Variants in KSR1 observed in about 807,000 individuals in gnomAD.
The protein encoded by KSR1 is kinase suppressor of ras 1.
Under a neutral mutation model 92.9 loss-of-function variants are expected in KSR1, and 35 were observed. The ratio of observed to expected loss-of-function variants is 0.38; its 90% CI spans 0.29 to 0.50. The LOEUF is 0.50. KSR1 is among the 20% of genes least tolerant of loss of function. The probability of loss-of-function intolerance (pLI) is 0.94; values close to 1 mark genes in which losing one functional copy is unlikely to be tolerated. For missense variants in KSR1, 972 were observed against 1,158.5 expected (o/e 0.84, Z 2.34); for synonymous variants, 467 against 472.6 (o/e 0.99, Z 0.15).
At chr17:27,503,045 C>T (rs1231421407) in intron 1 of KSR1, among the ~76,000 whole-genome samples, 4 of 152,196 alleles carry the variant, frequency 2.6e-5, no homozygotes, top group East Asian at 1.9e-4. Flanking sequence ...ATCCTCACAA[C>T]GACCCTTTGA....
chr17:27,468,053 G>A (rs1339781143), intron 1 of KSR1, among the ~76,000 whole-genome samples: 11 of 151,784 alleles, frequency 7.2e-5, no homozygotes, highest in South Asian at 4.2e-4. Context: ...TCCTGACCTC[G>A]TGATCCGCCC....
chr17:27,562,870 A>G (rs139703398), intron 2 of KSR1, among the ~76,000 whole-genome samples: 41 of 152,302 alleles, frequency 2.7e-4, no homozygotes, highest in African/African-American at 9.4e-4. Flanking sequence ...GAGGCAGACA[A>G]AATTTTGACA....
chr17:27,600,631 G>A (rs1027677992), intron 10 of KSR1, among the ~76,000 whole-genome samples: 7 of 152,140 alleles, frequency 4.6e-5, no homozygotes, highest in African/African-American at 1.4e-4. Context: ...CCACAGACAC[G>A]TGAGGAATGC....
At chr17:27,477,495 G>A (rs992507442) in intron 1 of KSR1, among the ~76,000 whole-genome samples, 1 of 152,182 alleles carries the variant, frequency 6.6e-6, no homozygotes, top group Non-Finnish European at 1.5e-5. Flanking sequence ...GATTAGAATT[G>A]TAGTCTGGCT....
rs531390619 is a variant in KSR1, at chr17:27,552,679, A to G, written c.372+1971A>G. ...GACCCAAAGATTTCTTAGATGCAGT[A>G]GCACTCCCCTCTTCCCATGCCAACG... On this transcript the variant is annotated intron_variant, in intron 2 of 20. Transcript: ENST00000644974. 9.2e-5 allele frequency among the ~76,000 whole-genome samples: 14 copies of G among 152,298 alleles called. No individual in the cohort carries two copies. In the East Asian group the frequency reaches 2.3e-3, roughly 25 times the overall value.
chr17:27,616,085 GT>G (rs1236290145), intron 18 of KSR1, among the ~76,000 whole-genome samples: 2 of 152,120 alleles, frequency 1.3e-5, no homozygotes, highest in Non-Finnish European at 2.9e-5. Flanking sequence ...TGAGGGTAGA[GT>G]TTTTTTGTGT....
chr17:27,569,553 A>G (rs555218090), intron 2 of KSR1, among the ~76,000 whole-genome samples: 1 of 152,348 alleles, frequency 6.6e-6, no homozygotes, highest in South Asian at 2.1e-4. Flanking sequence ...GCCCAGCACT[A>G]TTTTTTGTAG....
chr17:27,611,816 A>G (rs2073926018), intron 18 of KSR1, among the ~76,000 whole-genome samples, 187 bp downstream of exon 18: 1 of 152,140 alleles, frequency 6.6e-6, no homozygotes, highest in African/African-American at 2.4e-5. Flanking sequence ...GGAGGCATAA[A>G]TAAGAAAATA....
intron 18 of KSR1, among the ~76,000 whole-genome samples, chr17:27,613,788 G>GT (rs2073985267): frequency 6.6e-6 from 1 of 152,226 alleles, no homozygotes; most frequent in Non-Finnish European, 1.5e-5. Context: ...GGCAGCTGAA[G>GT]TAACCACTGC....
At chr17:27,484,144 C>G (rs968389747) in intron 1 of KSR1, among the ~76,000 whole-genome samples, 2 of 152,156 alleles carry the variant, frequency 1.3e-5, no homozygotes, top group Non-Finnish European at 1.5e-5. Flanking sequence ...CTTGGTCAGT[C>G]CCAGTGTTGG....
chr17:27,504,221 T>A (rs2069294187), intron 1 of KSR1, among the ~76,000 whole-genome samples: 1 of 152,194 alleles, frequency 6.6e-6, no homozygotes. Flanking sequence ...TGAAGGCACC[T>A]GCCGGGATCC....
Position 27,588,554 on chromosome 17 carries a change from G to C in KSR1, c.1046+19G>C. ...CGCACAGGTAGGCACAGCGGGCCTG[G>C]AGGGGGAGCAGGGCACAGCCGGGCT... is the stretch of plus-strand genomic sequence containing the variant. On this transcript the variant is annotated intron_variant, in intron 6 of 20. Transcript: ENST00000644974. 1.9e-6 allele frequency: 3 copies of C among 1,582,568 alleles called. No individual in the cohort carries two copies. The highest frequency in any genetic ancestry group is 1.2e-5 in the South Asian group (1 of 84,978).
rs751066717 is a variant in KSR1, at chr17:27,576,927, G to A, written c.373-565G>A. ...CTTCACCGTATGGCCTAGTGACCTC[G>A]TGCAGGTGACATAATCTCTCTGAGC... On this transcript the variant is annotated intron_variant, in intron 2 of 20. Coordinates refer to ENST00000644974, the MANE Select transcript of KSR1 (RefSeq NM_001394583.1). 4.6e-5 allele frequency among the ~76,000 whole-genome samples: 7 copies of A among 152,166 alleles called. No homozygotes were observed. The South Asian group carries it at 6.2e-4, about 14-fold the overall frequency.
rs115780402 is a variant in KSR1, at chr17:27,570,149, G to A, written c.373-7343G>A. ...CCCACTGCCAGAGCTCACCCTAGCT[G>A]GGCCCAGGGATAGAGCGGTGTGGGG... is the stretch of plus-strand genomic sequence containing the variant. On this transcript the variant is annotated intron_variant, in intron 2 of 20. Coordinates refer to ENST00000644974, the MANE Select transcript of KSR1 (RefSeq NM_001394583.1). Among the ~76,000 whole-genome samples the A allele has an allele frequency of 3.9e-3, 589 of 152,344 alleles. 2 individuals carry two copies. Among genetic ancestry groups the A allele is most frequent in the African/African-American group, 0.013 (553 of 41,572 alleles).
chr17:27,606,866 C>G (rs1198280097), intron 14 of KSR1, among the ~76,000 whole-genome samples: 1 of 152,164 alleles, frequency 6.6e-6, no homozygotes, highest in African/African-American at 2.4e-5. Flanking sequence ...GGGTCTCGCT[C>G]TGTCACCCAG....
At chr17:27,542,888 A>C (rs2071018794) in intron 1 of KSR1, among the ~76,000 whole-genome samples, 1 of 152,194 alleles carries the variant, frequency 6.6e-6, no homozygotes, top group African/African-American at 2.4e-5. Context: ...AGATGATATG[A>C]TCTAGATCCT....
chr17:27,502,928 C>G (rs552933057), intron 1 of KSR1, among the ~76,000 whole-genome samples: 2 of 152,314 alleles, frequency 1.3e-5, no homozygotes, highest in South Asian at 4.1e-4. Flanking sequence ...CTGATGGTAA[C>G]AGTAACACAG....
At chr17:27,465,222 T>A (rs1324754458) in intron 1 of KSR1, 1 of 152,226 alleles carries the variant, frequency 6.6e-6, no homozygotes, top group African/African-American at 2.4e-5. Flanking sequence ...AATCTATTTA[T>A]GTAAGTCTGT....
intron 1 of KSR1, among the ~76,000 whole-genome samples, chr17:27,542,515 A>G (rs1353083830): frequency 6.6e-6 from 1 of 152,194 alleles, no homozygotes; most frequent in Middle Eastern, 3.2e-3. Context: ...AACATAGCCA[A>G]GATCATGGGT....
Sources: allele counts gnomAD v4.1 joint callset (sites outside exome capture counted in the v4.1 genomes callset), GRCh38; gene constraint gnomAD v4.1.1; transcripts MANE v1.5; gene names NCBI Gene and HGNC (gene_info 2026-07-23, HGNC 2026-07-21).